RBM47: variants seen among roughly 807,000 people sequenced by gnomAD.
RBM47 encodes RNA-binding protein 47.
Under a neutral mutation model 47.1 loss-of-function variants are expected in RBM47, and 21 were observed. The ratio of observed to expected loss-of-function variants is 0.45; its 90% confidence interval spans 0.32 to 0.64. The LOEUF (loss-of-function observed/expected upper bound fraction) is 0.64, where lower values mean the gene tolerates loss of function less well. Ranked by LOEUF, RBM47 falls within the 30% of genes least tolerant of loss-of-function variation. The probability of loss-of-function intolerance (pLI) is 0.05; values close to 1 mark genes in which losing one functional copy is unlikely to be tolerated. For missense variants in RBM47, 708 were observed against 870.9 expected, an observed-to-expected ratio of 0.81 and a Z score of 2.35; for synonymous variants, 375 against 361.7, an observed-to-expected ratio of 1.04 and a Z score of -0.42.
intron 6 of RBM47, among the ~76,000 whole-genome samples, chr4:40,430,465 T>C (rs970331209): frequency 2.6e-5 from 4 of 152,244 alleles, no homozygotes; most frequent in Non-Finnish European, 5.9e-5. Context: ...TTACCGTCAG[T>C]CCACAAGTAT....
At position 40,494,280 on chromosome 4, in the gene RBM47, A is replaced by G. The variant is rs73145566; in HGVS notation, c.-154-27581T>C. On this transcript the variant is annotated intron_variant, in intron 2 of 6. Coordinates refer to ENST00000295971, the MANE Select transcript of RBM47 (RefSeq NM_001098634.2). ...GGTTTTCTTACTCTTGAAATAAAGC[A>G]GTGAGATAATGTTAACATGAGTCCC... 8.9e-3 allele frequency among the ~76,000 whole-genome samples: 1,363 copies of G among 152,302 alleles called. 27 individuals carry two copies. The highest frequency in any genetic ancestry group is 0.031 in the African/African-American group (1,274 of 41,560).
chr4:40,423,792 C>A lies in RBM47; in HGVS notation c.*2112G>T, dbSNP rs1391538094. 1 of 151,484 alleles carries A rather than the reference C, an allele frequency of 6.6e-6. No individual in the cohort carries two copies. The highest frequency in any genetic ancestry group is 2.4e-5 in the African/African-American group (1 of 41,038). 9.4% of individuals were successfully genotyped at this position (151,484 alleles called of 1,614,324 possible). Reference sequence around the variant, plus strand: ...GCATATGTAAAATACAGTAAGAATACTGGGTCATAGTTTCATCCAGTGAAA... The same window carrying A: ...GCATATGTAAAATACAGTAAGAATAATGGGTCATAGTTTCATCCAGTGAAA... On this transcript the variant is annotated 3_prime_UTR_variant, in exon 7 of 7. Transcript: ENST00000295971.
At chr4:40,609,935 A>T (rs1352508180) in intron 1 of RBM47, among the ~76,000 whole-genome samples, 1 of 151,940 alleles carries the variant, frequency 6.6e-6, no homozygotes, top group African/African-American at 2.4e-5. Context: ...TCTACTAAAA[A>T]TACAAAATTA....
At chr4:40,512,759 A>G (rs1178439308) in intron 2 of RBM47, among the ~76,000 whole-genome samples, 1 of 149,830 alleles carries the variant, frequency 6.7e-6, no homozygotes. Flanking sequence ...AAAAGGAAAG[A>G]AAAGAAAAGA....
At chr4:40,435,970 A>G (rs1183072290) in intron 5 of RBM47, among the ~76,000 whole-genome samples, 2 of 148,770 alleles carry the variant, frequency 1.3e-5, no homozygotes, top group Non-Finnish European at 3.0e-5. Context: ...CATCCTGGCT[A>G]ACACGGTGAA....
intron 2 of RBM47, among the ~76,000 whole-genome samples, chr4:40,486,069 CAAAAAAAAAAAAAAAAA>C (rs201408070): frequency 1.4e-4 from 9 of 62,826 alleles, no homozygotes; most frequent in Admixed American, 6.4e-4. Flanking sequence ...AACCCTGTTT[CAAAAAAAAAAAAAAAAA>C]AAAAAAAAAA....
chr4:40,614,671 CAA>C (rs944891449), intron 1 of RBM47, among the ~76,000 whole-genome samples: 2 of 118,056 alleles, frequency 1.7e-5, no homozygotes, highest in African/African-American at 3.2e-5. Context: ...CCCATCTCTA[CAA>C]AAAAAAAAAA....
chr4:40,594,277 C>G, intron 1 of RBM47, among the ~76,000 whole-genome samples: 1 of 152,144 alleles, frequency 6.6e-6, no homozygotes, highest in East Asian at 1.9e-4. Flanking sequence ...TTGCACACTG[C>G]TTCTCAGACT....
Position 40,486,069 on chromosome 4 carries a change from C to CAAAAA in RBM47, c.-154-19375_-154-19371dup, listed in dbSNP as rs201408070. On this transcript the variant is annotated intron_variant, in intron 2 of 6. Coordinates refer to ENST00000295971, the MANE Select transcript of RBM47 (RefSeq NM_001098634.2). ...TGGACAACAGAGCAAAACCCTGTTT[C>CAAAAA]AAAAAAAAAAAAAAAAAAAAAAAAA... Among the ~76,000 whole-genome samples the CAAAAA allele has an allele frequency of 2.0e-3, 128 of 62,788 alleles. 6 individuals carry two copies. The highest frequency in any genetic ancestry group is 5.9e-3 in the African/African-American group (118 of 20,170). 41.2% of individuals were successfully genotyped at this position (62,788 alleles called of 152,430 possible). A position where few individuals can be genotyped will look rare whatever the true frequency, so the allele number is the denominator to read the frequency against.
At chr4:40,455,768 G>C (rs1197136140) in intron 3 of RBM47, among the ~76,000 whole-genome samples, 1 of 151,916 alleles carries the variant, frequency 6.6e-6, no homozygotes, top group Non-Finnish European at 1.5e-5. Flanking sequence ...CAAACAAAAA[G>C]AAACAAAAAA....
intron 2 of RBM47, among the ~76,000 whole-genome samples, chr4:40,480,284 C>A (rs1013535105): frequency 6.6e-6 from 1 of 152,090 alleles, no homozygotes; most frequent in African/African-American, 2.4e-5. Flanking sequence ...GCCTCATCTC[C>A]ATTTTATAGA....
chr4:40,445,655 G>T (rs1360822127), intron 3 of RBM47, among the ~76,000 whole-genome samples: 1 of 152,166 alleles, frequency 6.6e-6, no homozygotes, highest in African/African-American at 2.4e-5. Context: ...CATGGTTACT[G>T]ACCAGAGCCT....
chr4:40,589,916 T>G (rs934240448), intron 1 of RBM47, among the ~76,000 whole-genome samples: 19 of 152,326 alleles, frequency 1.2e-4, no homozygotes, highest in African/African-American at 4.6e-4. Flanking sequence ...CTTTCATTTC[T>G]TCTTTTCTAC....
chr4:40,518,158 C>CTTTTTTTTTTTTTTTT (rs530465415), intron 2 of RBM47, among the ~76,000 whole-genome samples: 5 of 70,690 alleles, frequency 7.1e-5, no homozygotes, highest in Non-Finnish European at 1.3e-4. Flanking sequence ...CTTTTCTTTT[C>CTTTTTTTTTTTTTTTT]TTTTTTTTTT....
chr4:40,508,577 T>A (rs1724439951), intron 2 of RBM47, among the ~76,000 whole-genome samples: 1 of 151,914 alleles, frequency 6.6e-6, no homozygotes, highest in South Asian at 2.1e-4. Context: ...CGATAAAGGG[T>A]TGAGTGAGAG....
At chr4:40,624,661 G>A (rs1424536796) in intron 1 of RBM47, among the ~76,000 whole-genome samples, 1 of 152,096 alleles carries the variant, frequency 6.6e-6, no homozygotes, top group East Asian at 1.9e-4. Flanking sequence ...AGAAGTTGCA[G>A]TGCCCCATTA....
chr4:40,525,979 T>C (rs950945478), intron 2 of RBM47, among the ~76,000 whole-genome samples: 1 of 152,122 alleles, frequency 6.6e-6, no homozygotes, highest in Non-Finnish European at 1.5e-5. Context: ...CCATCCAATC[T>C]AGATCCCCGG....
At chr4:40,452,876 CT>C (rs1464324409) in intron 3 of RBM47, among the ~76,000 whole-genome samples, 1 of 134,418 alleles carries the variant, frequency 7.4e-6, no homozygotes, top group East Asian at 2.2e-4. Flanking sequence ...CAGAGTCTGA[CT>C]CTGTCACCCA....
intron 1 of RBM47, among the ~76,000 whole-genome samples, chr4:40,562,231 T>C (rs1730698751): frequency 6.6e-6 from 1 of 152,006 alleles, no homozygotes; most frequent in South Asian, 2.1e-4. Flanking sequence ...ATTAACACGA[T>C]CAAAGAAAAA....
Sources: allele counts gnomAD v4.1 joint callset (sites outside exome capture counted in the v4.1 genomes callset), GRCh38; gene constraint gnomAD v4.1.1; transcripts MANE v1.5; gene names NCBI Gene and HGNC (gene_info 2026-07-23, HGNC 2026-07-21).